Variants in CFAP77 observed in about 807,000 individuals in gnomAD.
CFAP77 encodes cilia and flagella associated protein 77, also known as cilia- and flagella-associated protein 77.
Under a neutral mutation model 31.1 loss-of-function variants are expected in CFAP77, and 25 were observed. The observed-to-expected ratio is 0.80, with a 90% confidence interval of 0.59 to 1.12. CFAP77 has a LOEUF of 1.12. Ranked by LOEUF, CFAP77 falls within the 50% of genes most tolerant of loss-of-function variation. CFAP77 has a pLI of 0.00. For missense variants in CFAP77, 377 were observed against 397.3 expected (o/e 0.95, Z 0.44); for synonymous variants, 151 against 159.9 (o/e 0.94, Z 0.42).
At chr9:132,410,753 T>A (rs78486214) in intron 1 of CFAP77, among the ~76,000 whole-genome samples, 2 of 152,304 alleles carry the variant, frequency 1.3e-5, no homozygotes, top group East Asian at 3.9e-4. Flanking sequence ...GCGCCTGACA[T>A]GGGGTAAGGC....
chr9:132,501,067 C>A lies in CFAP77; in HGVS notation c.524+1467C>A, dbSNP rs1360520999. On this transcript the variant is annotated intron_variant, in intron 3 of 5. Coordinates refer to ENST00000393216, the MANE Select transcript of CFAP77 (RefSeq NM_001282957.2). This position sits in a 1 kb window ranked among gnomAD's most constrained non-coding sequence, Gnocchi z 4.6. ...AAATGAGCCAGACATGACCCATGTC[C>A]CAACCCTGGCACACATGACATTCTA... 3.9e-5 allele frequency among the ~76,000 whole-genome samples: 6 copies of A among 152,226 alleles called. No homozygotes were observed. The highest frequency in any genetic ancestry group is 3.9e-4 in the Admixed American group (6 of 15,286).
chr9:132,550,783 G>A (rs993249483), intron 5 of CFAP77, among the ~76,000 whole-genome samples: 1 of 152,016 alleles, frequency 6.6e-6, no homozygotes, highest in Non-Finnish European at 1.5e-5. Context: ...TGGCCCCAGC[G>A]AGGTTGGTGG....
At chr9:132,504,097 G>A (rs769512980) in intron 3 of CFAP77, among the ~76,000 whole-genome samples, 3 of 152,212 alleles carry the variant, frequency 2.0e-5, no homozygotes, top group Non-Finnish European at 4.4e-5. Flanking sequence ...CTGGTTCAAA[G>A]CCCTTACTTA....
intron 4 of CFAP77, among the ~76,000 whole-genome samples, chr9:132,540,776 C>T (rs1206960437): frequency 1.3e-5 from 2 of 152,108 alleles, no homozygotes; most frequent in African/African-American, 4.8e-5. Flanking sequence ...ATGTTCTTTA[C>T]CTGTAAGTTT....
At chr9:132,454,906 C>A (rs1431436345) in intron 1 of CFAP77, among the ~76,000 whole-genome samples, 1 of 152,160 alleles carries the variant, frequency 6.6e-6, no homozygotes, top group Non-Finnish European at 1.5e-5. Context: ...CCAAACCACA[C>A]ACTGAGGCAC....
intron 3 of CFAP77, among the ~76,000 whole-genome samples, chr9:132,530,861 A>G (rs1852432514): frequency 6.6e-6 from 1 of 152,160 alleles, no homozygotes; most frequent in South Asian, 2.1e-4. Flanking sequence ...TAGATCCCAA[A>G]CATTTTCTCC....
At chr9:132,450,751 C>G (rs1850811403) in intron 1 of CFAP77, among the ~76,000 whole-genome samples, 1 of 152,200 alleles carries the variant, frequency 6.6e-6, no homozygotes, top group Non-Finnish European at 1.5e-5. Context: ...GTGAAATGAA[C>G]AGACCTGTCT....
intron 3 of CFAP77, among the ~76,000 whole-genome samples, chr9:132,525,267 G>A (rs759801840): frequency 1.3e-5 from 2 of 152,064 alleles, no homozygotes; most frequent in Non-Finnish European, 2.9e-5. Context: ...TGATCCACCC[G>A]CGTTGGCCTC....
Position 132,537,721 on chromosome 9 carries a change from C to T in CFAP77, c.630+15C>T, listed in dbSNP as rs142281187. ...AGAAGCAGAAGGTAAATGCAGCCCTCGCTCCCAAGTTGACAGCTGATGGGG... is the reference window on the plus strand; with the variant it reads ...AGAAGCAGAAGGTAAATGCAGCCCTTGCTCCCAAGTTGACAGCTGATGGGG... On this transcript the variant is annotated intron_variant, in intron 4 of 5. Transcript: ENST00000393216. 539 of 1,598,314 alleles carry T rather than the reference C, an allele frequency of 3.4e-4. No homozygotes were observed. In the African/African-American group the frequency reaches 5.7e-3, roughly 17 times the overall value.
intron 1 of CFAP77, among the ~76,000 whole-genome samples, chr9:132,436,845 G>C (rs143871249): frequency 6.6e-6 from 1 of 152,312 alleles, no homozygotes; most frequent in East Asian, 1.9e-4. Context: ...TGTCTAGTAT[G>C]ATAGCAGTTT....
At chr9:132,486,054 ATGTGTGTG>A (rs199499678) in intron 1 of CFAP77, among the ~76,000 whole-genome samples, 2 of 27,540 alleles carry the variant, frequency 7.3e-5, no homozygotes, top group African/African-American at 7.4e-4. Flanking sequence ...ATGTATATGT[ATGTGTGTG>A]TGTGTATATA....
Position 132,495,628 on chromosome 9 carries a change from A to G in CFAP77, c.196-3067A>G, listed in dbSNP as rs1395511375. Among the ~76,000 whole-genome samples, 3 of 152,216 alleles carry G rather than the reference A, an allele frequency of 2.0e-5. No individual in the cohort carries two copies. The highest frequency in any genetic ancestry group is 4.4e-5 in the Non-Finnish European group (3 of 68,042). On this transcript the variant is annotated intron_variant, in intron 1 of 5. Transcript: ENST00000393216. This position sits in a 1 kb window ranked among gnomAD's most constrained non-coding sequence, Gnocchi z 4.2. ...ATGGAAAAGAAGCGGAAGAAAAATG[A>G]TCAACTGTTGTGTAAAGAAGAGCCA...
At chr9:132,460,207 G>A (rs1274262652) in intron 1 of CFAP77, among the ~76,000 whole-genome samples, 1 of 152,126 alleles carries the variant, frequency 6.6e-6, no homozygotes, top group Non-Finnish European at 1.5e-5. Context: ...CCCTTCCCCA[G>A]TTCCCGGGCA....
Position 132,481,461 on chromosome 9 carries a change from A to G in CFAP77, c.196-17234A>G, listed in dbSNP as rs1851445635. ...CTCCTTACACTCCTCCCTCCCCAGC[A>G]AGATTTCATCCATCTTTGTGTGCTC... On this transcript the variant is annotated intron_variant, in intron 1 of 5. Coordinates refer to ENST00000393216, the MANE Select transcript of CFAP77 (RefSeq NM_001282957.2). The surrounding 1 kb of genome is among the most constrained non-coding windows in gnomAD (Gnocchi z 5.0). Among the ~76,000 whole-genome samples, 1 of 152,150 alleles carries G rather than the reference A, an allele frequency of 6.6e-6. No homozygotes were observed. The highest frequency in any genetic ancestry group is 1.5e-5 in the Non-Finnish European group (1 of 68,028).
chr9:132,553,061 C>T (rs1852845228), intron 5 of CFAP77, among the ~76,000 whole-genome samples: 1 of 152,154 alleles, frequency 6.6e-6, no homozygotes, highest in Non-Finnish European at 1.5e-5. Flanking sequence ...ACTATAAGTC[C>T]AAGGTCAGGG....
intron 1 of CFAP77, among the ~76,000 whole-genome samples, chr9:132,429,689 A>AT (rs1850377335): frequency 7.3e-6 from 1 of 136,398 alleles, no homozygotes; most frequent in Admixed American, 7.3e-5. Flanking sequence ...CTAACAAAAT[A>AT]CAAAAAAAAA....
In CFAP77 at chr9:132,483,381, C is replaced by G. The variant is rs571429705; in HGVS notation, c.196-15314C>G. ...ATAAAGCATATATTAGAGTGGCCAC[C>G]CAGCTGGCTCAGGACAAGGAGCGTC... On this transcript the variant is annotated intron_variant, in intron 1 of 5. Coordinates refer to ENST00000393216, the MANE Select transcript of CFAP77 (RefSeq NM_001282957.2). 4.6e-5 allele frequency among the ~76,000 whole-genome samples: 7 copies of G among 152,274 alleles called. No individual in the cohort carries two copies. The South Asian group carries it at 1.5e-3, about 32-fold the overall frequency.
intron 3 of CFAP77, among the ~76,000 whole-genome samples, chr9:132,516,236 C>A (rs1478547056): frequency 3.9e-5 from 6 of 152,162 alleles, no homozygotes; most frequent in African/African-American, 1.4e-4. Flanking sequence ...CTTAAGATTT[C>A]AAAATGCTAC....
At position 132,472,827 on chromosome 9, in the gene CFAP77, C is replaced by T. The variant is rs986570082; in HGVS notation, c.196-25868C>T. On this transcript the variant is annotated intron_variant, in intron 1 of 5. Coordinates refer to ENST00000393216, the MANE Select transcript of CFAP77 (RefSeq NM_001282957.2). ...GGATTAACTCAGTGTTTGCTGTGTG[C>T]CCGGCTCTGGGAAAGCATTTGTATT... 7.3e-4 allele frequency among the ~76,000 whole-genome samples: 111 copies of T among 152,156 alleles called. 3 individuals carry two copies. The highest frequency in any genetic ancestry group is 2.2e-4 in the Non-Finnish European group (15 of 68,036).
Sources: allele counts gnomAD v4.1 joint callset (sites outside exome capture counted in the v4.1 genomes callset), GRCh38; gene constraint gnomAD v4.1.1; non-coding constraint Gnocchi (gnomAD v3.1); transcripts MANE v1.5; gene names NCBI Gene and HGNC (gene_info 2026-07-23, HGNC 2026-07-21).